LRRC36: variants seen among roughly 807,000 people sequenced by gnomAD.
LRRC36 encodes the protein leucine rich repeat containing 36.
LRRC36 carries 62 observed loss-of-function variants against 81.1 expected under a neutral mutation model. The observed-to-expected ratio is 0.76, with a 90% CI of 0.62 to 0.94. The LOEUF is 0.94. LRRC36 is among the 40% of genes least tolerant of loss of function. The probability of loss-of-function intolerance (pLI) is 0.00; values close to 1 mark genes in which losing one functional copy is unlikely to be tolerated. For synonymous variants in LRRC36, 334 were observed against 348.6 expected (o/e 0.96, Z 0.47); for missense variants, 761 against 881.7 (o/e 0.86, Z 1.73).
chr16:67,352,347 T>C (rs1031659476), intron 5 of LRRC36, among the ~76,000 whole-genome samples: 2 of 152,384 alleles, frequency 1.3e-5, no homozygotes, highest in Non-Finnish European at 2.9e-5. Flanking sequence ...GCCATGTTAA[T>C]GGCCATGCCA....
chr16:67,356,300 A>T (rs2038900398), intron 5 of LRRC36, among the ~76,000 whole-genome samples: 1 of 152,156 alleles, frequency 6.6e-6, no homozygotes, highest in African/African-American at 2.4e-5. Flanking sequence ...CAACATGTTG[A>T]TCCATGTCAT....
intron 1 of LRRC36, among the ~76,000 whole-genome samples, chr16:67,341,534 A>G (rs920223749): frequency 1.3e-5 from 2 of 151,422 alleles, no homozygotes; most frequent in African/African-American, 4.9e-5. Flanking sequence ...CTGCTGATGG[A>G]CCTTTGACAG....
At chr16:67,347,454 C>T in intron 3 of LRRC36, 41 bp from the exon 4 acceptor site, 4 of 1,609,188 alleles carry the variant, frequency 2.5e-6, no homozygotes, top group Non-Finnish European at 3.4e-6. Context: ...ATGTCTATGC[C>T]AAAAAAAGAA....
chr16:67,374,884 C>A (rs982166078), intron 9 of LRRC36, among the ~76,000 whole-genome samples: 3 of 151,924 alleles, frequency 2.0e-5, no homozygotes, highest in African/African-American at 7.3e-5. Context: ...GTAATCCCAA[C>A]ACTTTGGGAA....
intron 9 of LRRC36, among the ~76,000 whole-genome samples, chr16:67,374,421 G>T (rs1597497219): frequency 6.6e-6 from 1 of 151,894 alleles, no homozygotes; most frequent in Middle Eastern, 3.2e-3. Context: ...TTGTGACATA[G>T]TCTTGCCCTG....
chr16:67,349,765 C>CTT (rs961463302), intron 4 of LRRC36, among the ~76,000 whole-genome samples: 2 of 146,476 alleles, frequency 1.4e-5, no homozygotes, highest in Non-Finnish European at 1.5e-5. Flanking sequence ...ATTTGTGCAA[C>CTT]TTTTTTTTTT....
At chr16:67,377,302 T>A (rs1288510847) in intron 11 of LRRC36, among the ~76,000 whole-genome samples, 4 of 152,038 alleles carry the variant, frequency 2.6e-5, no homozygotes, top group Non-Finnish European at 5.9e-5. Context: ...GCAACTCATA[T>A]CCCCATGCTT....
At chr16:67,368,733 A>T (rs945039886) in intron 8 of LRRC36, among the ~76,000 whole-genome samples, 1 of 152,150 alleles carries the variant, frequency 6.6e-6, no homozygotes, top group African/African-American at 2.4e-5. Flanking sequence ...AAATTTTTTT[A>T]AAATGCTTTG....
chr16:67,342,961 A>G, intron 2 of LRRC36, among the ~76,000 whole-genome samples: 1 of 152,326 alleles, frequency 6.6e-6, no homozygotes, highest in East Asian at 1.9e-4. Context: ...CCTAAGATCA[A>G]ATTTCCATCT....
At chr16:67,380,895 A>G (rs2040081637) in intron 12 of LRRC36, among the ~76,000 whole-genome samples, 3 of 152,232 alleles carry the variant, frequency 2.0e-5, no homozygotes, top group Middle Eastern at 3.4e-3. Flanking sequence ...ATTAAAATCT[A>G]TTTTTAGCAA....
intron 1 of LRRC36, among the ~76,000 whole-genome samples, chr16:67,340,105 G>A (rs200061631): frequency 6.6e-6 from 1 of 151,956 alleles, no homozygotes; most frequent in East Asian, 1.9e-4. Context: ...TCGCACCATT[G>A]CACTCCAGCC....
chr16:67,347,552 T>C lies in LRRC36; in HGVS notation c.449T>C (p.Leu150Ser). 1 of 1,612,956 alleles carries C rather than the reference T, an allele frequency of 6.2e-7. No individual in the cohort carries two copies. The highest frequency in any genetic ancestry group is 8.5e-7 in the Non-Finnish European group (1 of 1,179,106). Reference protein sequence around the residue: ...RKAAKLHFSQLGNSENFLLEV... With the variant: ...RKAAKLHFSQSGNSENFLLEV... ...GCTGCCAAGCTGCATTTTAGTCAGT[T>C]GGGCAACAGTGAAAATTTTCTTTTA... Residue 150 changes from leucine to serine, a missense_variant, in exon 4 of 14, where the codon TTG becomes TCG. By Grantham distance (145) the Leu-to-Ser change is moderately radical. Transcript: ENST00000329956.
chr16:67,379,156 G>A (rs1046804578), intron 12 of LRRC36, among the ~76,000 whole-genome samples: 1 of 152,162 alleles, frequency 6.6e-6, no homozygotes, highest in South Asian at 2.1e-4. Context: ...AGGTGCAGTG[G>A]CTCACACCTG....
At chr16:67,373,672 C>G (rs895050005) in intron 9 of LRRC36, among the ~76,000 whole-genome samples, 5 of 139,112 alleles carry the variant, frequency 3.6e-5, no homozygotes, top group African/African-American at 1.4e-4. Flanking sequence ...TGGGCCACTG[C>G]ACTCCAGCCT....
At chr16:67,373,906 G>C (rs1249819895) in intron 9 of LRRC36, among the ~76,000 whole-genome samples, 2 of 151,666 alleles carry the variant, frequency 1.3e-5, no homozygotes, top group Non-Finnish European at 2.9e-5. Context: ...CAGCTACTTG[G>C]GTTGACTGAG....
chr16:67,339,566 A>C (rs1373571901), intron 1 of LRRC36, among the ~76,000 whole-genome samples: 2 of 152,168 alleles, frequency 1.3e-5, no homozygotes, highest in Admixed American at 1.3e-4. Flanking sequence ...TGGCTCTTTA[A>C]GTGCAGTTAA....
chr16:67,327,102 T>G (rs1245471353), intron 1 of LRRC36, 170 bp downstream of exon 1: 304 of 441,282 alleles, frequency 6.9e-4, no homozygotes, highest in South Asian at 1.4e-3. Flanking sequence ...TAGAGGGAGG[T>G]GGAGGTGGAG....
chr16:67,341,073 GTACTCTACA>G (rs1567470420), intron 1 of LRRC36, among the ~76,000 whole-genome samples: 17 of 106,184 alleles, frequency 1.6e-4, no homozygotes, highest in African/African-American at 6.7e-4. Context: ...TATAGAATAT[GTACTCTACA>G]TATTCTATAG....
intron 13 of LRRC36, among the ~76,000 whole-genome samples, chr16:67,383,911 T>A (rs2040201012): frequency 6.6e-6 from 1 of 152,238 alleles, no homozygotes; most frequent in Non-Finnish European, 1.5e-5. Flanking sequence ...TCAGTGTTGC[T>A]TTAACATTTC....
Sources: allele counts gnomAD v4.1 joint callset (sites outside exome capture counted in the v4.1 genomes callset), GRCh38; gene constraint gnomAD v4.1.1; transcripts MANE v1.5; gene names NCBI Gene and HGNC (gene_info 2026-07-23, HGNC 2026-07-21).